Variants in CTNND2 observed in about 807,000 individuals in gnomAD.
The protein encoded by CTNND2 is catenin delta-2.
Under a neutral mutation model 144.4 loss-of-function variants are expected in CTNND2, and 22 were observed. The ratio of observed to expected loss-of-function variants is 0.15; its 90% CI spans 0.11 to 0.22. The LOEUF (loss-of-function observed/expected upper bound fraction) is 0.22. CTNND2 is among the 10% of genes least tolerant of loss of function. CTNND2 has a pLI of 1.00. For synonymous variants in CTNND2, 751 were observed against 695.6 expected (o/e 1.08, Z -1.25); for missense variants, 1,353 against 1,618.8 (o/e 0.84, Z 2.82).
intron 1 of CTNND2, among the ~76,000 whole-genome samples, chr5:11,807,035 T>A (rs1179693000): frequency 6.6e-6 from 1 of 152,152 alleles, no homozygotes; most frequent in East Asian, 1.9e-4. Context: ...ATATTTAACA[T>A]TCTGCGTCCA....
At chr5:11,387,951 G>T (rs972248417) in intron 6 of CTNND2, among the ~76,000 whole-genome samples, 1 of 152,050 alleles carries the variant, frequency 6.6e-6, no homozygotes, top group African/African-American at 2.4e-5. Flanking sequence ...CTAGTCTCAG[G>T]TGTACTAAGT....
At chr5:11,310,740 A>G (rs1390008078) in intron 9 of CTNND2, among the ~76,000 whole-genome samples, 1 of 151,074 alleles carries the variant, frequency 6.6e-6, no homozygotes, top group Non-Finnish European at 1.5e-5. Context: ...ACCCTCACAC[A>G]CTCCCCAAGC....
rs148811687 is a variant in CTNND2, at chr5:11,061,949, T to C, written c.2788+20747A>G. ...CTCTCGAACTCCTGACCTCAGGTGA[T>C]CTGTCTGCCTCGGCCTCCCAAAGAG... On this transcript the variant is annotated intron_variant, in intron 16 of 21. Transcript: ENST00000304623. Among the ~76,000 whole-genome samples the C allele has an allele frequency of 9.8e-4, 150 of 152,298 alleles. 3 individuals are homozygous for C. The East Asian group carries it at 0.023, about 24-fold the overall frequency.
chr5:11,478,392 T>C (rs1310065041), intron 3 of CTNND2, among the ~76,000 whole-genome samples: 3 of 152,252 alleles, frequency 2.0e-5, no homozygotes, highest in Non-Finnish European at 2.9e-5. Context: ...TCCCTTGCAC[T>C]TTCATAAACT....
intron 3 of CTNND2, among the ~76,000 whole-genome samples, chr5:11,468,781 T>C (rs188411687): frequency 6.6e-6 from 1 of 152,296 alleles, no homozygotes; most frequent in Admixed American, 6.5e-5. Flanking sequence ...TGATTATTCA[T>C]GGTGACTCAC....
At chr5:11,374,104 C>T (rs909382813) in intron 7 of CTNND2, among the ~76,000 whole-genome samples, 2 of 152,086 alleles carry the variant, frequency 1.3e-5, no homozygotes, top group Non-Finnish European at 2.9e-5. Context: ...GTCTTGTGAA[C>T]TCTTGCTATA....
At chr5:11,383,568 C>G (rs978411675) in intron 7 of CTNND2, among the ~76,000 whole-genome samples, 6 of 152,210 alleles carry the variant, frequency 3.9e-5, no homozygotes, top group Admixed American at 3.3e-4. Context: ...CCCTAGCCTG[C>G]ATCCTGTTAG....
chr5:11,750,275 A>G (rs1435681956), intron 1 of CTNND2, among the ~76,000 whole-genome samples: 1 of 151,914 alleles, frequency 6.6e-6, no homozygotes, highest in Non-Finnish European at 1.5e-5. Context: ...GATCCCCTGT[A>G]TGATTCCTCA....
chr5:11,589,141 C>A (rs1401825896), intron 2 of CTNND2: 4 of 523,174 alleles, frequency 7.6e-6, no homozygotes, highest in African/African-American at 4.2e-5. Context: ...TGAATTTAGA[C>A]CCCCATTGGC....
chr5:11,044,275 C>T (rs892918839), intron 16 of CTNND2, among the ~76,000 whole-genome samples: 7 of 152,136 alleles, frequency 4.6e-5, no homozygotes, highest in Middle Eastern at 3.2e-3. Flanking sequence ...ATCTGACAGA[C>T]GACAGGGAGG....
At chr5:11,833,527 G>T (rs1435512435) in intron 1 of CTNND2, among the ~76,000 whole-genome samples, 1 of 150,760 alleles carries the variant, frequency 6.6e-6, no homozygotes, top group African/African-American at 2.4e-5. Flanking sequence ...AAACTATTTT[G>T]TTTTTTTTTG....
At chr5:11,268,705 C>G (rs555951009) in intron 9 of CTNND2, among the ~76,000 whole-genome samples, 145 of 152,224 alleles carry the variant, frequency 9.5e-4, no homozygotes, top group African/African-American at 3.3e-3. Flanking sequence ...GTAATGAAGA[C>G]TCATTTATGC....
Position 11,748,999 on chromosome 5 carries a change from A to G in CTNND2, c.38-16727T>C, listed in dbSNP as rs145909583. Among the ~76,000 whole-genome samples, 172 of 152,170 alleles carry G rather than the reference A, an allele frequency of 1.1e-3. 1 individual carries two copies. Among genetic ancestry groups the G allele is most frequent in the African/African-American group, 3.9e-3 (164 of 41,552 alleles). Reference sequence around the variant, plus strand: ...ACTCTGGGGAAGTCAGCTTCCAGGTAGACAGGATGCTCAAGCAGCCCTATG... The same window carrying G: ...ACTCTGGGGAAGTCAGCTTCCAGGTGGACAGGATGCTCAAGCAGCCCTATG... On this transcript the variant is annotated intron_variant, in intron 1 of 21. Transcript: ENST00000304623.
chr5:11,457,266 T>C (rs1336745423), intron 3 of CTNND2, among the ~76,000 whole-genome samples: 3 of 151,930 alleles, frequency 2.0e-5, no homozygotes, highest in Non-Finnish European at 4.4e-5. Context: ...TTGCCAGGCA[T>C]GGTGGTGCAT....
intron 1 of CTNND2, among the ~76,000 whole-genome samples, chr5:11,833,281 T>C (rs1365840970): frequency 6.6e-6 from 1 of 152,178 alleles, no homozygotes; most frequent in Non-Finnish European, 1.5e-5. Context: ...CCACAATGAA[T>C]ACTACTCAGT....
chr5:11,526,138 G>A (rs951383986), intron 3 of CTNND2, among the ~76,000 whole-genome samples: 9 of 152,126 alleles, frequency 5.9e-5, no homozygotes, highest in Non-Finnish European at 1.2e-4. Flanking sequence ...CTGGCCCTAA[G>A]TGATCTACTC....
At chr5:11,474,941 T>A (rs26143) in intron 3 of CTNND2, among the ~76,000 whole-genome samples, 1 of 152,000 alleles carries the variant, frequency 6.6e-6, no homozygotes, top group African/African-American at 2.4e-5. Flanking sequence ...TTCTGTGACA[T>A]GTCATGGCCA....
chr5:11,395,050 A>G (rs561681189), intron 6 of CTNND2, among the ~76,000 whole-genome samples: 24 of 152,356 alleles, frequency 1.6e-4, no homozygotes, highest in Middle Eastern at 3.4e-3. Flanking sequence ...GGCTTGAAGG[A>G]GTAAGATTTC....
rs1173361434 is a variant in CTNND2 at position 11,129,202 on chromosome 5, T to A, written c.2160-11635A>T. Among the ~76,000 whole-genome samples, 28 of 41,308 alleles carry A rather than the reference T, an allele frequency of 6.8e-4. 3 individuals are homozygous for A. The highest frequency in any genetic ancestry group is 1.8e-3 in the African/African-American group (21 of 11,644). The allele number at this position is 41,308 out of a possible 152,430, so 27.1% of individuals were successfully genotyped here. A position where few individuals can be genotyped will look rare whatever the true frequency, so the allele number is the denominator to read the frequency against. ...TTTATATATAATATATAATATATAT[T>A]ATATATTTATATATTATATATAAAT... On this transcript the variant is annotated intron_variant, in intron 12 of 21. Coordinates refer to ENST00000304623, the MANE Select transcript of CTNND2 (RefSeq NM_001332.4).
Sources: allele counts gnomAD v4.1 joint callset (sites outside exome capture counted in the v4.1 genomes callset), GRCh38; gene constraint gnomAD v4.1.1; transcripts MANE v1.5; gene names NCBI Gene and HGNC (gene_info 2026-07-23, HGNC 2026-07-21).